The following AP2A2 variants were observed in gnomAD, a reference collection of about 807,000 sequenced individuals.
The protein encoded by AP2A2 is adaptor related protein complex 2 subunit alpha 2.
Under a neutral mutation model 104.2 loss-of-function variants are expected in AP2A2, and 32 were observed. The observed-to-expected ratio is 0.31, with a 90% CI of 0.23 to 0.41. The LOEUF is 0.41. AP2A2 is among the 10% of genes least tolerant of loss of function. The pLI is 1.00. For missense variants in AP2A2, 912 were observed against 1,261.0 expected (o/e 0.72, Z 4.19); for synonymous variants, 539 against 533.3 (o/e 1.01, Z -0.15).
At chr11:984,836 T>C (rs1024904814) in intron 7 of AP2A2, 83 bp downstream of exon 7, 2 of 1,203,660 alleles carry the variant, frequency 1.7e-6, no homozygotes, top group African/African-American at 1.5e-5. Flanking sequence ...TGTTTGTTAT[T>C]TTAAGAAGTG....
chr11:933,574 C>T (rs1310336856), intron 1 of AP2A2: 1 of 456,152 alleles, frequency 2.2e-6, no homozygotes, highest in Admixed American at 2.3e-5. Flanking sequence ...AGGGTCTGGC[C>T]AAGACGCATA....
chr11:977,505 A>G (rs948066741), intron 5 of AP2A2, among the ~76,000 whole-genome samples: 1 of 142,366 alleles, frequency 7.0e-6, no homozygotes, highest in African/African-American at 2.7e-5. Flanking sequence ...ACACCTATCT[A>G]GTATGCGGAG....
chr11:983,630 G>T (rs186408575), intron 6 of AP2A2, among the ~76,000 whole-genome samples: 1 of 151,996 alleles, frequency 6.6e-6, no homozygotes, highest in Admixed American at 6.5e-5. Context: ...TGATCCGCCC[G>T]CCTTGGCCTC....
In AP2A2 at chr11:993,153, G is replaced by T. The variant is rs980874935; in HGVS notation, c.1453-131G>T. On this transcript the variant is annotated intron_variant, in intron 11 of 21. Transcript: ENST00000448903. The surrounding 1 kb of genome is among the most constrained non-coding windows in gnomAD (Gnocchi z 8.2). ...AGGGTGCTGAGGAAGGCAGGGATGG[G>T]CACTTGGACTGGGGTCTCCAGGAAG... 5 of 664,152 alleles carry T rather than the reference G, an allele frequency of 7.5e-6. No homozygotes were observed. Among genetic ancestry groups the T allele is most frequent in the Middle Eastern group, 4.2e-4 (1 of 2,408 alleles). The allele number at this position is 664,152 out of a possible 1,614,324, so 41.1% of individuals were successfully genotyped here.
chr11:993,304 C>G lies in AP2A2; in HGVS notation c.1473C>G (p.Cys491Trp). ...CGCAGGCTCTTCAGGCTCCCGCGTG[C>G]CACGAGAACCTGGTCAAAGTGGGCG... ...TVFEALQAPA[C>W]HENLVKVGGY... The change falls in exon 12 of 22, where the codon TGC (cysteine) becomes TGG (tryptophan). Residue 491 changes from cysteine to tryptophan, a missense_variant. Physicochemically the swap from Cys to Trp is radical, Grantham distance 215. Transcript: ENST00000448903. The surrounding 1 kb of genome is among the most constrained non-coding windows in gnomAD (Gnocchi z 8.2). 1 of 1,610,900 alleles carries G rather than the reference C, an allele frequency of 6.2e-7. No individual in the cohort carries two copies. Among genetic ancestry groups the G allele is most frequent in the Non-Finnish European group, 8.5e-7 (1 of 1,179,054 alleles).
chr11:979,689 G>C (rs1439104010), intron 5 of AP2A2, among the ~76,000 whole-genome samples: 1 of 152,188 alleles, frequency 6.6e-6, no homozygotes, highest in African/African-American at 2.4e-5. Flanking sequence ...AGCTTCCCGA[G>C]TAGCTGGGAT....
chr11:935,953 G>A (rs1451440083), intron 1 of AP2A2, among the ~76,000 whole-genome samples: 2 of 149,128 alleles, frequency 1.3e-5, no homozygotes, highest in Non-Finnish European at 3.0e-5. Context: ...CCAGGTTGGA[G>A]TGCAATGGCA....
At chr11:995,316 A>G in intron 14 of AP2A2, 1 of 455,904 alleles carries the variant, frequency 2.2e-6, no homozygotes, top group Non-Finnish European at 4.4e-6. Context: ...CTGTAACAGA[A>G]TGTGTCCTGT....
chr11:1,000,410 G>T (rs774929947), intron 14 of AP2A2, 22 bp from the exon 15 acceptor site: 1 of 1,542,758 alleles, frequency 6.5e-7, no homozygotes, highest in South Asian at 1.2e-5. Context: ...CTCTGCTGAT[G>T]CTCTCCTTCC....
chr11:1,006,717 A>G lies in AP2A2; in HGVS notation c.2296+100A>G, dbSNP rs1856220688. 8.9e-6 allele frequency: 8 copies of G among 895,942 alleles called. No individual in the cohort carries two copies. The East Asian group carries it at 1.2e-4, about 14-fold the overall frequency. The allele number at this position is 895,942 out of a possible 1,614,324, so 55.5% of individuals were successfully genotyped here. ...TTTGGTTTTCTTATTTTGTTAAAAT[A>G]GCGAGATAATTCCAGATGCTATATG... On this transcript the variant is annotated intron_variant, in intron 17 of 21. Transcript: ENST00000448903.
chr11:998,075 C>T (rs1214437220), intron 14 of AP2A2, among the ~76,000 whole-genome samples: 1 of 152,274 alleles, frequency 6.6e-6, no homozygotes, highest in Non-Finnish European at 1.5e-5. Context: ...CTTTGTCAGG[C>T]TGTGGAGGCC....
intron 2 of AP2A2, among the ~76,000 whole-genome samples, chr11:967,393 G>A (rs563427607): frequency 2.4e-4 from 36 of 151,656 alleles, no homozygotes; most frequent in Admixed American, 2.0e-3. Flanking sequence ...ATGGAGTCTC[G>A]CTCTGTCACC....
intron 1 of AP2A2, among the ~76,000 whole-genome samples, chr11:929,397 G>A (rs1165433567): frequency 6.6e-6 from 1 of 152,194 alleles, no homozygotes; most frequent in Non-Finnish European, 1.5e-5. Flanking sequence ...TGGAGCCTCA[G>A]TTTCCACAGC....
chr11:998,941 CT>C (rs1855943346), intron 14 of AP2A2, among the ~76,000 whole-genome samples: 1 of 152,168 alleles, frequency 6.6e-6, no homozygotes, highest in Non-Finnish European at 1.5e-5. Flanking sequence ...ATCTGCCCCC[CT>C]CGGCCTCCCA....
intron 16 of AP2A2, among the ~76,000 whole-genome samples, chr11:1,005,696 C>A (rs545209996): frequency 2.8e-4 from 43 of 152,254 alleles, no homozygotes; most frequent in African/African-American, 1.0e-3. Context: ...GTCCTCTGCC[C>A]GCCAGGGGTC....
In AP2A2 at chr11:977,172, C is replaced by T. The variant is rs769021235; in HGVS notation, c.551C>T (p.Pro184Leu). The T allele has an allele frequency of 3.7e-6, 6 of 1,612,598 alleles. No homozygotes were observed. The highest frequency in any genetic ancestry group is 5.1e-6 in the Non-Finnish European group (6 of 1,179,086). ...RLYRTSPDLV[P>L]MGDWTSRVVH... ...TACAGGACGTCCCCCGATCTTGTCC[C>T]CATGGGCGACTGGACATCCCGAGTG... The change falls in exon 5 of 22, where the codon CCC becomes CTC. Residue 184 changes from proline to leucine, a missense_variant. Pro to Leu is a moderately conservative substitution (Grantham distance 98). Coordinates refer to ENST00000448903, the MANE Select transcript of AP2A2 (RefSeq NM_012305.4).
At chr11:995,632 C>T (rs1009698937) in intron 14 of AP2A2, among the ~76,000 whole-genome samples, 13 of 151,138 alleles carry the variant, frequency 8.6e-5, no homozygotes, top group African/African-American at 3.2e-4. Context: ...TGCTTATGTG[C>T]CCCGGCTGAC....
rs1262368345 is a variant in AP2A2, at chr11:1,011,689, C to T, written c.*1064C>T. 1.4e-5 allele frequency: 5 copies of T among 349,270 alleles called. No homozygotes were observed. Among genetic ancestry groups the T allele is most frequent in the Non-Finnish European group, 2.3e-5 (4 of 174,738 alleles). The allele number at this position is 349,270 out of a possible 1,614,324, so 21.6% of individuals were successfully genotyped here. On this transcript the variant is annotated 3_prime_UTR_variant, in exon 22 of 22. Coordinates refer to ENST00000448903, the MANE Select transcript of AP2A2 (RefSeq NM_012305.4). ...CCCCAGGATGGTGGCCTTGTTTGTCCTAAACACACCCAGCACAGGTTCTGG... is the reference window on the plus strand; with the variant it reads ...CCCCAGGATGGTGGCCTTGTTTGTCTTAAACACACCCAGCACAGGTTCTGG...
intron 1 of AP2A2, among the ~76,000 whole-genome samples, chr11:927,642 C>T (rs1285610116): frequency 2.0e-5 from 3 of 151,492 alleles, no homozygotes; most frequent in Admixed American, 1.3e-4. Flanking sequence ...GTGGTAACAC[C>T]CTGTCTCTAC....
Sources: gnomAD v4.1 joint callset for allele counts (sites outside exome capture counted in the v4.1 genomes callset) on GRCh38, gnomAD v4.1.1 for gene constraint, Gnocchi (gnomAD v3.1) non-coding constraint, MANE v1.5 for transcripts, NCBI Gene and HGNC (gene_info 2026-07-23, HGNC 2026-07-21) for gene names.